The following CACNB2 variants were observed in gnomAD, a reference collection of about 807,000 sequenced individuals.
The protein encoded by CACNB2 is calcium voltage-gated channel auxiliary subunit beta 2.
CACNB2 carries 42 observed loss-of-function variants against 73.3 expected under a neutral mutation model. The ratio of observed to expected loss-of-function variants is 0.57; its 90% CI spans 0.45 to 0.74. The LOEUF is 0.74. CACNB2 is among the 30% of genes least tolerant of loss of function. CACNB2 has a pLI of 0.00. For synonymous variants in CACNB2, 348 were observed against 310.3 expected (o/e 1.12, Z -1.28); for missense variants, 940 against 853.0 (o/e 1.10, Z -1.27).
At chr10:18,420,648 A>T (rs7908861) in intron 3 of CACNB2, among the ~76,000 whole-genome samples, 86,113 of 151,976 alleles carry the variant, frequency 0.57, 25,093 homozygotes, top group East Asian at 0.78. Flanking sequence ...TTCAAATGCT[A>T]ATTTCACCCC....
At chr10:18,385,643 CA>C (rs370371966) in intron 2 of CACNB2, among the ~76,000 whole-genome samples, 140 of 102,204 alleles carry the variant, frequency 1.4e-3, no homozygotes, top group Non-Finnish European at 1.5e-3. Flanking sequence ...AACTCCATCT[CA>C]AAAAAAAAAA....
intron 3 of CACNB2, among the ~76,000 whole-genome samples, chr10:18,428,991 T>C (rs968610350): frequency 6.6e-6 from 1 of 152,210 alleles, no homozygotes; most frequent in Non-Finnish European, 1.5e-5. Flanking sequence ...TTACATTTAT[T>C]CACTTAATTA....
At chr10:18,307,231 T>C (rs997929321) in intron 2 of CACNB2, among the ~76,000 whole-genome samples, 3 of 152,112 alleles carry the variant, frequency 2.0e-5, no homozygotes, top group Non-Finnish European at 4.4e-5. Context: ...TGGGAGGCCA[T>C]GGCGGGCAGA....
chr10:18,442,954 A>ATACG (rs2046508919), intron 3 of CACNB2, among the ~76,000 whole-genome samples: 5 of 17,578 alleles, frequency 2.8e-4, no homozygotes, highest in Non-Finnish European at 4.5e-4. Context: ...GTATATATAT[A>ATACG]TATGTATATA....
intron 2 of CACNB2, among the ~76,000 whole-genome samples, chr10:18,333,074 A>C (rs772371568): frequency 6.6e-6 from 1 of 152,224 alleles, no homozygotes; most frequent in Non-Finnish European, 1.5e-5. Flanking sequence ...TCATGAAGAT[A>C]AAATTGCTAT....
intron 9 of CACNB2, among the ~76,000 whole-genome samples, chr10:18,522,159 C>G (rs188682777): frequency 6.6e-6 from 1 of 152,032 alleles, no homozygotes; most frequent in African/African-American, 2.4e-5. Context: ...GGTGTTCTTT[C>G]ACTGTCTCCC....
chr10:18,385,434 T>G (rs536766120), intron 2 of CACNB2, among the ~76,000 whole-genome samples: 3 of 128,714 alleles, frequency 2.3e-5, no homozygotes, highest in Non-Finnish European at 4.7e-5. Flanking sequence ...CTAGCCTACA[T>G]ACTCATAAAT....
intron 1 of CACNB2, 111 bp downstream of exon 1, chr10:18,140,967 C>G: frequency 6.6e-7 from 1 of 1,518,820 alleles, no homozygotes; most frequent in Non-Finnish European, 8.8e-7. Flanking sequence ...GCACCTCCTC[C>G]CCTCGTCGCC....
chr10:18,405,812 G>C (rs2044256632), intron 3 of CACNB2, among the ~76,000 whole-genome samples: 1 of 152,178 alleles, frequency 6.6e-6, no homozygotes, highest in Non-Finnish European at 1.5e-5. Flanking sequence ...ATAAAAATTA[G>C]CTGGGTTTGG....
chr10:18,151,270 A>ATT, intron 2 of CACNB2: 6 of 257,712 alleles, frequency 2.3e-5, no homozygotes, highest in East Asian at 1.9e-4. Context: ...ATTTGGGGGG[A>ATT]TTGTTTTTTT....
chr10:18,440,713 T>C (rs2046372268), intron 3 of CACNB2, among the ~76,000 whole-genome samples: 2 of 152,042 alleles, frequency 1.3e-5, no homozygotes, highest in African/African-American at 4.8e-5. Context: ...AATGTGTCCA[T>C]GTGGATATTT....
At chr10:18,506,639 C>A in intron 6 of CACNB2, 92 bp downstream of exon 6, 1 of 811,532 alleles carries the variant, frequency 1.2e-6, no homozygotes, top group Non-Finnish European at 2.2e-6. Flanking sequence ...TACACTGAAT[C>A]ACTATGTTAA....
At chr10:18,197,699 T>C (rs2034688226) in intron 2 of CACNB2, among the ~76,000 whole-genome samples, 1 of 152,106 alleles carries the variant, frequency 6.6e-6, no homozygotes, top group African/African-American at 2.4e-5. Flanking sequence ...CATTGCCATG[T>C]TCTGAGTAAC....
intron 3 of CACNB2, among the ~76,000 whole-genome samples, chr10:18,410,855 C>G (rs549366322): frequency 6.6e-6 from 1 of 152,242 alleles, no homozygotes; most frequent in Admixed American, 6.5e-5. Context: ...TTGTGGGCAC[C>G]TGTAATCCCA....
chr10:18,441,924 G>C (rs1433871691), intron 3 of CACNB2, among the ~76,000 whole-genome samples: 1 of 152,184 alleles, frequency 6.6e-6, no homozygotes, highest in East Asian at 1.9e-4. Context: ...TCCAGCCTCA[G>C]TGTGATGTTT....
chr10:18,196,624 C>T (rs868662900), intron 2 of CACNB2, among the ~76,000 whole-genome samples: 6 of 152,220 alleles, frequency 3.9e-5, no homozygotes, highest in Middle Eastern at 3.4e-3. Context: ...GCCAAAGAAA[C>T]ATTTTTGACT....
chr10:18,260,928 T>G, intron 2 of CACNB2: 1 of 1,165,030 alleles, frequency 8.6e-7, no homozygotes, highest in Non-Finnish European at 1.1e-6. Context: ...CAAGAAACTC[T>G]GACGATCTGG....
At chr10:18,294,361 A>G (rs2039190197) in intron 2 of CACNB2, among the ~76,000 whole-genome samples, 1 of 152,220 alleles carries the variant, frequency 6.6e-6, no homozygotes, top group African/African-American at 2.4e-5. Context: ...GCTGAGGCTT[A>G]TCAGATCATC....
intron 2 of CACNB2, among the ~76,000 whole-genome samples, chr10:18,326,971 C>A (rs748563486): frequency 1.3e-5 from 2 of 152,068 alleles, no homozygotes. Flanking sequence ...TCAAGTGATC[C>A]GCCCACCTCA....
Sources: gnomAD v4.1 joint callset for allele counts (sites outside exome capture counted in the v4.1 genomes callset) on GRCh38, gnomAD v4.1.1 for gene constraint, MANE v1.5 for transcripts, NCBI Gene and HGNC (gene_info 2026-07-23, HGNC 2026-07-21) for gene names.